Variants in MYO10 observed in about 807,000 individuals in gnomAD.
MYO10 encodes unconventional myosin-X.
MYO10 carries 133 observed loss-of-function variants against 257.3 expected under a neutral mutation model. The ratio of observed to expected loss-of-function variants is 0.52; its 90% CI spans 0.45 to 0.60. The LOEUF (loss-of-function observed/expected upper bound fraction) is 0.60. Among genes scored for constraint, MYO10 ranks in the 20% least tolerant of loss-of-function variants. The pLI is 0.00. For missense variants in MYO10, 2,399 were observed against 2,635.7 expected (o/e 0.91, Z 1.97); for synonymous variants, 1,104 against 1,028.6 (o/e 1.07, Z -1.40).
chr5:16,771,520 C>T (rs924507561), intron 9 of MYO10, among the ~76,000 whole-genome samples: 25 of 149,156 alleles, frequency 1.7e-4, no homozygotes, highest in African/African-American at 4.9e-4. Context: ...GCCCAACTGA[C>T]CCAAATCTAG....
At chr5:16,755,076 T>C (rs1279400865) in intron 18 of MYO10, among the ~76,000 whole-genome samples, 168 bp from the exon 19 acceptor site, 1 of 152,266 alleles carries the variant, frequency 6.6e-6, no homozygotes, top group Non-Finnish European at 1.5e-5. Flanking sequence ...AAAATAAACA[T>C]ACTGAGTCAA....
Position 16,794,807 on chromosome 5 carries a change from G to C in MYO10, c.306C>G (p.Ser102=), listed in dbSNP as rs396514. The change falls in exon 4 of 41, where the codon TCC becomes TCG. Residue 102 remains serine, a synonymous_variant. Transcript: ENST00000513610. ...IYTYIGSILA[S]VNPYQPIAGL... is the part of the protein sequence containing the mutation. Reference sequence around the variant, plus strand: ...CGGCGATGGGCTGGTAGGGGTTCACGGAGGCCAGGATGGAGCCGATGTAGG... The same window carrying C: ...CGGCGATGGGCTGGTAGGGGTTCACCGAGGCCAGGATGGAGCCGATGTAGG... 5.5e-5 allele frequency: 87 copies of C among 1,575,102 alleles called. No homozygotes were observed. The highest frequency in any genetic ancestry group is 7.1e-5 in the Non-Finnish European group (82 of 1,159,442).
At chr5:16,692,957 C>G (rs1165171061) in intron 27 of MYO10, among the ~76,000 whole-genome samples, 1 of 152,188 alleles carries the variant, frequency 6.6e-6, no homozygotes, top group African/African-American at 2.4e-5. Context: ...CTCACAGCTT[C>G]TTGGTGCTTG....
chr5:16,933,259 G>A (rs954767058), intron 1 of MYO10, among the ~76,000 whole-genome samples: 1 of 152,158 alleles, frequency 6.6e-6, no homozygotes, highest in African/African-American at 2.4e-5. Context: ...TTACTGAGTA[G>A]AGTCCAGGGA....
chr5:16,680,587 A>G (rs147537826), intron 32 of MYO10, among the ~76,000 whole-genome samples: 473 of 152,338 alleles, frequency 3.1e-3, no homozygotes, highest in African/African-American at 0.011. Context: ...CGCGAATGGA[A>G]CAACTGTGTT....
chr5:16,853,145 CG>C (rs1467758299), intron 2 of MYO10, among the ~76,000 whole-genome samples: 3 of 151,974 alleles, frequency 2.0e-5, no homozygotes, highest in African/African-American at 4.8e-5. Context: ...CTGAGGTGGG[CG>C]GATCACACAG....
intron 3 of MYO10, among the ~76,000 whole-genome samples, chr5:16,795,089 AGGCCCAGATCCCTGCTCCCCG>A (rs1388429711): frequency 1.3e-5 from 2 of 151,162 alleles, no homozygotes; most frequent in African/African-American, 4.9e-5. Context: ...CCTGCTCCCC[AGGCCCAGATCCCTGCTCCCCG>A]CTGACCTCAC....
intron 1 of MYO10, among the ~76,000 whole-genome samples, chr5:16,915,589 T>C (rs960136480): frequency 1.3e-5 from 2 of 152,188 alleles, no homozygotes; most frequent in Non-Finnish European, 2.9e-5. Flanking sequence ...AGAGGTCAAG[T>C]GGCAGAGGTG....
intron 10 of MYO10, among the ~76,000 whole-genome samples, chr5:16,768,138 T>C (rs1358218526): frequency 2.6e-5 from 4 of 152,150 alleles, no homozygotes; most frequent in Non-Finnish European, 5.9e-5. Flanking sequence ...CTAGAACCAC[T>C]CTGAACTTGA....
intron 9 of MYO10, among the ~76,000 whole-genome samples, chr5:16,771,478 C>T (rs1276465802): frequency 6.6e-6 from 1 of 151,038 alleles, no homozygotes; most frequent in Admixed American, 6.6e-5. Flanking sequence ...AAATAACTTT[C>T]TCAGGGTCGC....
chr5:16,826,899 G>A (rs1406112948), intron 2 of MYO10, among the ~76,000 whole-genome samples: 1 of 152,104 alleles, frequency 6.6e-6, no homozygotes, highest in Non-Finnish European at 1.5e-5. Flanking sequence ...AAACAAAAAC[G>A]AGCTTATGTT....
intron 9 of MYO10, among the ~76,000 whole-genome samples, chr5:16,772,361 G>A (rs969924803): frequency 1.3e-5 from 2 of 152,138 alleles, no homozygotes; most frequent in African/African-American, 4.8e-5. Context: ...TCGAACTCCC[G>A]ACCTCAGGTG....
rs138177927 is a variant in MYO10 at position 16,721,827 on chromosome 5, T to C, written c.1930-10582A>G. ...CTGGAACATAAATAACATGCACACA[T>C]ACATGTCAATCTTTCTAAGGGATAG... On this transcript the variant is annotated intron_variant, in intron 19 of 40. Coordinates refer to ENST00000513610, the MANE Select transcript of MYO10 (RefSeq NM_012334.3). 4.7e-3 allele frequency among the ~76,000 whole-genome samples: 722 copies of C among 152,254 alleles called. 8 individuals carry two copies. Among genetic ancestry groups the C allele is most frequent in the African/African-American group, 0.017 (689 of 41,534 alleles).
chr5:16,806,443 G>C (rs1303035892), intron 3 of MYO10, among the ~76,000 whole-genome samples: 1 of 151,538 alleles, frequency 6.6e-6, no homozygotes. Flanking sequence ...TCAGGAGATC[G>C]AGACCACGTT....
At chr5:16,884,690 G>C (rs1156385641) in intron 1 of MYO10, among the ~76,000 whole-genome samples, 4 of 148,426 alleles carry the variant, frequency 2.7e-5, no homozygotes, top group Non-Finnish European at 6.0e-5. Context: ...GGAAGTAGGA[G>C]TTATCTTTCC....
chr5:16,727,513 A>G (rs1452325496), intron 19 of MYO10, among the ~76,000 whole-genome samples: 1 of 152,228 alleles, frequency 6.6e-6, no homozygotes, highest in Non-Finnish European at 1.5e-5. Flanking sequence ...ACTGTGAAAT[A>G]AAGGCCCCAT....
chr5:16,845,582 C>A (rs2126730849), intron 2 of MYO10, among the ~76,000 whole-genome samples: 1 of 152,220 alleles, frequency 6.6e-6, no homozygotes, highest in East Asian at 1.9e-4. Context: ...AGGAGGATTG[C>A]TTGAGCCCAG....
chr5:16,854,116 A>AT (rs1249123070), intron 2 of MYO10: 2 of 151,956 alleles, frequency 1.3e-5, no homozygotes, highest in Non-Finnish European at 1.5e-5. Context: ...ATCTAAACTG[A>AT]TTTTTTCTAA....
intron 19 of MYO10, among the ~76,000 whole-genome samples, chr5:16,727,875 CA>C (rs527975903): frequency 0.35 from 32,693 of 93,926 alleles, 3,885 homozygotes; most frequent in African/African-American, 0.41. Context: ...CCCCCCAGCC[CA>C]AAAAAAAAAA....
Sources: allele counts gnomAD v4.1 joint callset (sites outside exome capture counted in the v4.1 genomes callset), GRCh38; gene constraint gnomAD v4.1.1; transcripts MANE v1.5; gene names NCBI Gene and HGNC (gene_info 2026-07-23, HGNC 2026-07-21).